Variants in ZNF460 observed in about 807,000 individuals in gnomAD.
ZNF460 encodes the protein zinc finger protein 272.
Under a neutral mutation model 8.4 loss-of-function variants are expected in ZNF460, and 1 was observed. The observed-to-expected ratio is 0.12, with a 90% CI of 0.04 to 0.56. The LOEUF (loss-of-function observed/expected upper bound fraction) is 0.56, where lower values mean the gene tolerates loss of function less well. ZNF460 is among the 20% of genes least tolerant of loss of function. The pLI is 0.91. For synonymous variants in ZNF460, 262 were observed against 259.9 expected (o/e 1.01, Z -0.08); for missense variants, 477 against 714.8 (o/e 0.67, Z 3.79).
At chr19:57,287,523 A>C (rs151145282) in intron 2 of ZNF460, among the ~76,000 whole-genome samples, 2 of 152,046 alleles carry the variant, frequency 1.3e-5, no homozygotes, top group Non-Finnish European at 2.9e-5. Flanking sequence ...GAGTCTCACT[A>C]TGTTGCCCAG....
chr19:57,286,581 G>A (rs569843416), intron 2 of ZNF460, among the ~76,000 whole-genome samples: 2 of 152,088 alleles, frequency 1.3e-5, no homozygotes, highest in Non-Finnish European at 2.9e-5. Context: ...CCAGGAGTTC[G>A]AGACTAGGCT....
intron 2 of ZNF460, among the ~76,000 whole-genome samples, chr19:57,287,379 G>A (rs945254191): frequency 6.6e-6 from 1 of 152,124 alleles, no homozygotes; most frequent in African/African-American, 2.4e-5. Context: ...ATTTTCTGGT[G>A]GATGTAAATA....
chr19:57,286,194 G>T (rs1407517977), intron 2 of ZNF460, among the ~76,000 whole-genome samples: 1 of 152,146 alleles, frequency 6.6e-6, no homozygotes, highest in Admixed American at 6.5e-5. Context: ...GAGCAAGTCT[G>T]TCCCGCACCA....
chr19:57,284,301 C>T (rs938076990), intron 1 of ZNF460, among the ~76,000 whole-genome samples: 2 of 151,924 alleles, frequency 1.3e-5, no homozygotes, highest in African/African-American at 4.8e-5. Flanking sequence ...TCTCAGCTCA[C>T]TGCAATCTCC....
Position 57,290,926 on chromosome 19 carries a change from T to G in ZNF460, c.385T>G (p.Leu129Val). The G allele has an allele frequency of 6.2e-7, 1 of 1,614,222 alleles. No homozygotes were observed. Among genetic ancestry groups the G allele is most frequent in the Non-Finnish European group, 8.5e-7 (1 of 1,180,046 alleles). The change falls in exon 3 of 3, where the codon TTG becomes GTG. Residue 129 changes from leucine to valine, a missense_variant. Physicochemically the swap from Leu to Val is conservative, Grantham distance 32. This residue lies in a region of ZNF460 where 169 missense variants were observed against 178.6 expected (regional missense o/e 0.95). Transcript: ENST00000360338. ...HGKMSLEHEGLATADGICSMM... is the reference protein window; with the variant it reads ...HGKMSLEHEGVATADGICSMM... ...GAAAATGAGCCTTGAACACGAAGGT[T>G]TGGCGACAGCTGATGGTATTTGTTC...
chr19:57,285,555 A>G (rs1172325478), intron 2 of ZNF460, among the ~76,000 whole-genome samples: 4 of 152,172 alleles, frequency 2.6e-5, no homozygotes, highest in Non-Finnish European at 5.9e-5. Flanking sequence ...CACCTCAGAA[A>G]CTTAATTAAT....
intron 2 of ZNF460, among the ~76,000 whole-genome samples, chr19:57,285,373 G>T (rs2087871955): frequency 1.3e-5 from 2 of 152,150 alleles, no homozygotes; most frequent in African/African-American, 4.8e-5. Context: ...TTCTGGCTCA[G>T]CTATTGTGTG....
rs1352655510 is a variant in ZNF460, at chr19:57,292,429, A to G, written c.*199A>G. The G allele has an allele frequency of 1.7e-6, 1 of 590,150 alleles. No homozygotes were observed. Among genetic ancestry groups the G allele is most frequent in the Non-Finnish European group, 2.9e-6 (1 of 339,496 alleles). 36.6% of individuals were successfully genotyped at this position (590,150 alleles called of 1,614,324 possible). ...TGTTTTAGATCATCATTTGTCATCTAAACAATTATGTTAGAAATTGACACA... is the reference window on the plus strand; with the variant it reads ...TGTTTTAGATCATCATTTGTCATCTGAACAATTATGTTAGAAATTGACACA... On this transcript the variant is annotated 3_prime_UTR_variant, in exon 3 of 3. Coordinates refer to ENST00000360338, the MANE Select transcript of ZNF460 (RefSeq NM_006635.4).
intron 2 of ZNF460, 38 bp from the exon 3 acceptor site, chr19:57,290,661 A>G (rs372731661): frequency 2.4e-4 from 371 of 1,565,534 alleles, no homozygotes; most frequent in Non-Finnish European, 3.1e-4. Flanking sequence ...CTTCTGTACT[A>G]TCTTAATAAG....
At chr19:57,286,825 G>A (rs149748358) in intron 2 of ZNF460, among the ~76,000 whole-genome samples, 47 of 152,064 alleles carry the variant, frequency 3.1e-4, no homozygotes, top group African/African-American at 1.0e-3. Context: ...TTAGCCAGGC[G>A]TGGCGGTACA....
chr19:57,289,413 C>T (rs922745772), intron 2 of ZNF460, among the ~76,000 whole-genome samples: 6 of 152,126 alleles, frequency 3.9e-5, no homozygotes, highest in African/African-American at 1.4e-4. Context: ...TCGCTGAAGA[C>T]TCTGTGTCTT....
chr19:57,286,545 G>A (rs2087880659), intron 2 of ZNF460, among the ~76,000 whole-genome samples: 1 of 152,158 alleles, frequency 6.6e-6, no homozygotes, highest in African/African-American at 2.4e-5. Flanking sequence ...CTACTCCGGA[G>A]GCTGAGATGG....
chr19:57,288,000 C>T (rs1568499912), intron 2 of ZNF460, among the ~76,000 whole-genome samples: 3 of 151,886 alleles, frequency 2.0e-5, no homozygotes, highest in Non-Finnish European at 4.4e-5. Flanking sequence ...AAAAAACAAA[C>T]AAACAAAAAA....
intron 2 of ZNF460, among the ~76,000 whole-genome samples, chr19:57,289,185 G>A (rs535344434): frequency 2.0e-5 from 3 of 151,784 alleles, no homozygotes; most frequent in East Asian, 1.9e-4. Context: ...TAGCCTTTTC[G>A]CCTACCTTTC....
At chr19:57,282,267 T>C (rs2087846019) in intron 1 of ZNF460, among the ~76,000 whole-genome samples, 1 of 152,226 alleles carries the variant, frequency 6.6e-6, no homozygotes, top group South Asian at 2.1e-4. Flanking sequence ...TGTATGGTTA[T>C]GTTGCTGAAT....
chr19:57,292,378 A>G lies in ZNF460; in HGVS notation c.*148A>G, dbSNP rs2087925165. 3 of 807,328 alleles carry G rather than the reference A, an allele frequency of 3.7e-6. No homozygotes were observed. Among genetic ancestry groups the G allele is most frequent in the East Asian group, 2.5e-5 (1 of 40,272 alleles). 50.0% of individuals were successfully genotyped at this position (807,328 alleles called of 1,614,324 possible). ...GTCATTCATACTGAAGAGAAACTCCATAAGTATCATCTCTGTGGGAAAACC... is the reference window on the plus strand; with the variant it reads ...GTCATTCATACTGAAGAGAAACTCCGTAAGTATCATCTCTGTGGGAAAACC... On this transcript the variant is annotated 3_prime_UTR_variant, in exon 3 of 3. Coordinates refer to ENST00000360338, the MANE Select transcript of ZNF460 (RefSeq NM_006635.4).
chr19:57,282,977 TGAGACCATCTAAAAAAAAAAAAAAGAGA>T (rs900514955), intron 1 of ZNF460, among the ~76,000 whole-genome samples: 2 of 145,244 alleles, frequency 1.4e-5, no homozygotes, highest in African/African-American at 5.1e-5. Flanking sequence ...GGTGACAGAG[TGAGACCATCTAAAAAAAAAAAAAAGAGA>T]GAGACATGAA....
At chr19:57,288,394 A>G (rs1037244999) in intron 2 of ZNF460, among the ~76,000 whole-genome samples, 2 of 152,134 alleles carry the variant, frequency 1.3e-5, no homozygotes, top group African/African-American at 2.4e-5. Context: ...GGATATTGCT[A>G]TATTGCCCAG....
chr19:57,292,397 G>A lies in ZNF460; in HGVS notation c.*167G>A. 1 of 707,540 alleles carries A rather than the reference G, an allele frequency of 1.4e-6. No homozygotes were observed. The highest frequency in any genetic ancestry group is 2.3e-6 in the Non-Finnish European group (1 of 430,982). 43.8% of individuals were successfully genotyped at this position (707,540 alleles called of 1,614,324 possible). A position where few individuals can be genotyped will look rare whatever the true frequency, so the allele number is the denominator to read the frequency against. ...AACTCCATAAGTATCATCTCTGTGG[G>A]AAAACCTGTTTTAGATCATCATTTG... is the stretch of plus-strand genomic sequence containing the variant. On this transcript the variant is annotated 3_prime_UTR_variant, in exon 3 of 3. Transcript: ENST00000360338.
Sources: allele counts gnomAD v4.1 joint callset (sites outside exome capture counted in the v4.1 genomes callset), GRCh38; gene constraint gnomAD v4.1.1; regional missense constraint gnomAD v4.1.1; transcripts MANE v1.5; gene names NCBI Gene and HGNC (gene_info 2026-07-23, HGNC 2026-07-21).